Variants in CDC14A observed in about 807,000 individuals in gnomAD.
CDC14A encodes the protein cell division cycle 14A, also known as dual specificity protein phosphatase CDC14A.
CDC14A carries 53 observed loss-of-function variants against 74.4 expected under a neutral mutation model. That is an observed-to-expected ratio of 0.71 (90% CI 0.57 to 0.89). The LOEUF is 0.89. CDC14A is among the 40% of genes least tolerant of loss of function. The pLI, the probability that CDC14A is intolerant of heterozygous loss-of-function variation, is 0.00. For synonymous variants in CDC14A, 247 were observed against 258.4 expected (o/e 0.96, Z 0.43); for missense variants, 646 against 713.7 (o/e 0.91, Z 1.08).
chr1:100,351,575 T>G, upstream of CDC14A: 2 of 615,154 alleles, frequency 3.3e-6, no homozygotes, highest in South Asian at 3.9e-5. Flanking sequence ...GAAATTCCTT[T>G]GTGTTAACCT....
At chr1:100,485,996 T>C (rs1255811207) in intron 11 of CDC14A, 1 of 152,262 alleles carries the variant, frequency 6.6e-6, no homozygotes, top group Non-Finnish European at 1.5e-5. Flanking sequence ...GACTTTTCTT[T>C]GTCTCTGTGT....
rs77661266 is a variant in CDC14A at position 100,425,161 on chromosome 1, G to A, written c.389+860G>A. ...CCAGCGTGGGTGACAGAGTGATACC[G>A]TTTCTCAAATAAATAAATACATACA... On this transcript the variant is annotated intron_variant, in intron 5 of 15. Transcript: ENST00000336454. Among the ~76,000 whole-genome samples, 60 of 152,124 alleles carry A rather than the reference G, an allele frequency of 3.9e-4. No individual in the cohort carries two copies. The East Asian group carries it at 0.011, about 27-fold the overall frequency.
intron 10 of CDC14A, among the ~76,000 whole-genome samples, chr1:100,476,236 T>C (rs897188974): frequency 1.3e-5 from 2 of 152,150 alleles, no homozygotes; most frequent in Non-Finnish European, 2.9e-5. Context: ...GCAGATCGCA[T>C]GAGGTCAAGA....
Position 100,449,553 on chromosome 1 carries a change from C to T in CDC14A, c.520-5852C>T, listed in dbSNP as rs556814948. Among the ~76,000 whole-genome samples, 83 of 152,304 alleles carry T rather than the reference C, an allele frequency of 5.4e-4. 2 individuals are homozygous for T. In the Middle Eastern group the frequency reaches 0.051, roughly 94 times the overall value. ...CACATGCTCTTGCTCCCTCCTCCTG[C>T]CTGTCAGCTCTTCTTTCTGGTCCAC... On this transcript the variant is annotated intron_variant, in intron 7 of 15. Transcript: ENST00000336454.
chr1:100,438,229 G>T (rs771231459), intron 5 of CDC14A, among the ~76,000 whole-genome samples: 47 of 151,678 alleles, frequency 3.1e-4, no homozygotes, highest in Admixed American at 9.8e-4. Flanking sequence ...GTGCATTTTG[G>T]GGTATTGCAA....
At chr1:100,383,231 A>T (rs1656397170) in intron 3 of CDC14A, among the ~76,000 whole-genome samples, 1 of 152,172 alleles carries the variant, frequency 6.6e-6, no homozygotes, top group Non-Finnish European at 1.5e-5. Context: ...TTTATAGAGA[A>T]TCCCACGTGC....
chr1:100,485,114 G>A lies in CDC14A; in HGVS notation c.1137+663G>A, dbSNP rs1166472475. 1.2e-5 allele frequency: 12 copies of A among 985,136 alleles called. No homozygotes were observed. In the South Asian group the frequency reaches 2.8e-4, roughly 23 times the overall value. 61.0% of individuals were successfully genotyped at this position (985,136 alleles called of 1,614,324 possible). ...CTGTTACCTCTGAATAAAAATAGAAGTGATTTACTAAGAATTAGGATTATG... is the reference window on the plus strand; with the variant it reads ...CTGTTACCTCTGAATAAAAATAGAAATGATTTACTAAGAATTAGGATTATG... On this transcript the variant is annotated intron_variant, in intron 11 of 15. Coordinates refer to ENST00000336454, the MANE Select transcript of CDC14A (RefSeq NM_003672.4).
intron 3 of CDC14A, among the ~76,000 whole-genome samples, chr1:100,381,401 A>G (rs965597843): frequency 2.0e-5 from 3 of 152,212 alleles, no homozygotes; most frequent in African/African-American, 7.2e-5. Flanking sequence ...TGTGTTAACT[A>G]GTAACTTCGT....
intron 10 of CDC14A, among the ~76,000 whole-genome samples, chr1:100,483,115 G>A (rs919618201): frequency 6.6e-6 from 1 of 152,176 alleles, no homozygotes; most frequent in African/African-American, 2.4e-5. Context: ...TCAGTAATGG[G>A]ATTGCTGGGA....
At chr1:100,470,391 G>A (rs1668273194) in intron 10 of CDC14A, among the ~76,000 whole-genome samples, 1 of 151,574 alleles carries the variant, frequency 6.6e-6, no homozygotes, top group Middle Eastern at 3.4e-3. Flanking sequence ...AAACAAGGGT[G>A]TCTACTCTCA....
At chr1:100,417,632 A>G (rs12564838) in intron 4 of CDC14A, among the ~76,000 whole-genome samples, 49,882 of 152,080 alleles carry the variant, frequency 0.33, 9,736 homozygotes, top group East Asian at 0.54. Flanking sequence ...AAATCAGTCT[A>G]TTGCTTTCTC....
At chr1:100,351,873 A>AT (rs1327923390), upstream of CDC14A, 1 of 1,411,434 alleles carries the variant, frequency 7.1e-7, no homozygotes, top group Non-Finnish European at 9.8e-7. Context: ...TTTCAATTGT[A>AT]TTTTTTATAA....
intron 15 of CDC14A, among the ~76,000 whole-genome samples, chr1:100,500,175 T>C (rs1410746323): frequency 6.6e-6 from 1 of 152,174 alleles, no homozygotes; most frequent in African/African-American, 2.4e-5. Flanking sequence ...TCCTATGTAT[T>C]AAGGAAATAT....
intron 11 of CDC14A, chr1:100,485,062 CA>C (rs1428581544): frequency 4.1e-6 from 4 of 985,290 alleles, no homozygotes; most frequent in Non-Finnish European, 4.8e-6. Context: ...TGTCTGAGTC[CA>C]AGCTTGTGTT....
At position 100,464,875 on chromosome 1, in the gene CDC14A, T is replaced by TA. The variant is rs1407475087; in HGVS notation, c.838+2000dup. Among the ~76,000 whole-genome samples, 26 of 152,118 alleles carry TA rather than the reference T, an allele frequency of 1.7e-4. 1 individual carries two copies. Among genetic ancestry groups the TA allele is most frequent in the African/African-American group, 5.8e-4 (24 of 41,542 alleles). ...CCTTGACCTGTGAATGTTTACCTTT[T>TA]AAAAAATATATGTATTTATTTTATA... is the stretch of plus-strand genomic sequence containing the variant. On this transcript the variant is annotated intron_variant, in intron 9 of 15. Coordinates refer to ENST00000336454, the MANE Select transcript of CDC14A (RefSeq NM_003672.4).
intron 4 of CDC14A, among the ~76,000 whole-genome samples, chr1:100,398,786 G>A (rs1257022131): frequency 6.6e-6 from 1 of 152,058 alleles, no homozygotes; most frequent in Non-Finnish European, 1.5e-5. Context: ...CTGGAGTTGA[G>A]GATACTAAGG....
intron 15 of CDC14A, among the ~76,000 whole-genome samples, chr1:100,516,239 T>A (rs1009757750): frequency 2.4e-4 from 36 of 152,182 alleles, no homozygotes; most frequent in Admixed American, 6.5e-5. Flanking sequence ...AATAAATATG[T>A]AAATAAATGA....
At chr1:100,495,942 TG>T in intron 12 of CDC14A, 59 bp from the exon 13 acceptor site, 1 of 1,367,336 alleles carries the variant, frequency 7.3e-7, no homozygotes, top group Non-Finnish European at 1.0e-6. Context: ...ATGTGCCTTG[TG>T]GTCTTTGTGA....
At chr1:100,466,668 C>T (rs1040556880) in intron 9 of CDC14A, among the ~76,000 whole-genome samples, 2 of 151,958 alleles carry the variant, frequency 1.3e-5, no homozygotes, top group Non-Finnish European at 2.9e-5. Context: ...GTCAGGACTT[C>T]GAGACCAGAC....
Sources: allele counts gnomAD v4.1 joint callset (sites outside exome capture counted in the v4.1 genomes callset), GRCh38; gene constraint gnomAD v4.1.1; transcripts MANE v1.5; gene names NCBI Gene and HGNC (gene_info 2026-07-23, HGNC 2026-07-21).